Variants in LRRC8C observed in about 807,000 individuals in gnomAD.
LRRC8C encodes volume-regulated anion channel subunit LRRC8C.
LRRC8C carries 20 observed loss-of-function variants against 55.3 expected under a neutral mutation model. The observed-to-expected ratio is 0.36, with a 90% CI of 0.25 to 0.53. LRRC8C has a LOEUF of 0.53. Ranked by LOEUF, LRRC8C falls within the 20% of genes least tolerant of loss-of-function variation. The pLI is 0.92. For synonymous variants in LRRC8C, 376 were observed against 360.7 expected (o/e 1.04, Z -0.48); for missense variants, 659 against 951.4 (o/e 0.69, Z 4.04).
Position 89,714,098 on chromosome 1 carries a change from A to T in LRRC8C, c.1528A>T (p.Met510Leu). The T allele has an allele frequency of 6.2e-7, 1 of 1,614,046 alleles. No homozygotes were observed. Among genetic ancestry groups the T allele is most frequent in the Non-Finnish European group, 8.5e-7 (1 of 1,180,010 alleles). ...FDDMRELPPW[M>L]YGLRNLEELY... Reference sequence around the variant, plus strand: ...TGACATGAGGGAACTCCCCCCCTGGATGTATGGGCTCCGAAATCTGGAAGA... The same window carrying T: ...TGACATGAGGGAACTCCCCCCCTGGTTGTATGGGCTCCGAAATCTGGAAGA... Residue 510 changes from methionine to leucine, a missense_variant, in exon 3 of 3, where the codon ATG (methionine) becomes TTG (leucine). Around this residue, in one of 5 missense-constraint regions of LRRC8C, gnomAD observed 344 missense variants for 464.6 expected, o/e 0.74. Coordinates refer to ENST00000370454, the MANE Select transcript of LRRC8C (RefSeq NM_032270.5). This position sits in a 1 kb window ranked among gnomAD's most constrained non-coding sequence, Gnocchi z 4.6.
At chr1:89,655,037 A>T (rs975045602) in intron 1 of LRRC8C, among the ~76,000 whole-genome samples, 1 of 151,948 alleles carries the variant, frequency 6.6e-6, no homozygotes, top group African/African-American at 2.4e-5. Context: ...ATGAAGTCCC[A>T]TGTCCTACAG....
chr1:89,690,807 C>G (rs1658007945), intron 2 of LRRC8C, among the ~76,000 whole-genome samples: 1 of 152,152 alleles, frequency 6.6e-6, no homozygotes, highest in Non-Finnish European at 1.5e-5. Flanking sequence ...GACCAGCCTT[C>G]TCAGCACCAC....
chr1:89,666,697 A>G (rs1473454348), intron 1 of LRRC8C, among the ~76,000 whole-genome samples: 1 of 152,186 alleles, frequency 6.6e-6, no homozygotes. Flanking sequence ...TTAGTCACAT[A>G]AACATTTCTG....
chr1:89,620,902 C>T, the LRRC8C span, among the ~76,000 whole-genome samples: 1 of 152,192 alleles, frequency 6.6e-6, no homozygotes, highest in Non-Finnish European at 1.5e-5. Context: ...AAGACCATGA[C>T]GACTCCTCAT....
rs1272636700 is a variant in LRRC8C at position 89,717,436 on chromosome 1, C to G, written c.*2454C>G. The stretch of plus-strand genomic sequence containing the variant: ...ACTTGTAAAAATTTGCTCAAAATTC[C>G]AAAAAAATATTGATTTGTTTTTTAG... On this transcript the variant is annotated 3_prime_UTR_variant, in exon 3 of 3. Coordinates refer to ENST00000370454, the MANE Select transcript of LRRC8C (RefSeq NM_032270.5). 3 of 151,896 alleles carry G rather than the reference C, an allele frequency of 2.0e-5. No individual in the cohort carries two copies. The highest frequency in any genetic ancestry group is 2.0e-4 in the Admixed American group (3 of 15,246). 9.4% of individuals were successfully genotyped at this position (151,896 alleles called of 1,614,324 possible).
intron 2 of LRRC8C, among the ~76,000 whole-genome samples, chr1:89,692,448 A>T (rs574831157): frequency 6.6e-6 from 1 of 152,370 alleles, no homozygotes; most frequent in African/African-American, 2.4e-5. Flanking sequence ...GTATTCATAT[A>T]GGTTCAACAC....
upstream of LRRC8C, chr1:89,633,052 G>A (rs1656157297): frequency 6.6e-6 from 1 of 152,062 alleles, no homozygotes; most frequent in African/African-American, 2.4e-5. Context: ...TGCGTGCGGG[G>A]CGGCGCTGGA....
chr1:89,667,038 G>A (rs1354264289), intron 1 of LRRC8C, among the ~76,000 whole-genome samples: 1 of 152,110 alleles, frequency 6.6e-6, no homozygotes, highest in East Asian at 1.9e-4. Context: ...ATTTTCAATA[G>A]GGTAGCCAGA....
the LRRC8C span, among the ~76,000 whole-genome samples, chr1:89,624,076 T>C: frequency 6.6e-6 from 1 of 152,344 alleles, no homozygotes; most frequent in African/African-American, 2.4e-5. Context: ...CACAGGGAGA[T>C]GCAAAGAGAG....
At chr1:89,633,682 T>C (rs1368631180) in intron 1 of LRRC8C, among the ~76,000 whole-genome samples, 1 of 152,076 alleles carries the variant, frequency 6.6e-6, no homozygotes, top group African/African-American at 2.4e-5. Context: ...GGGGCGATCG[T>C]TGTTCTTTCC....
At chr1:89,695,416 A>T (rs547468082) in intron 2 of LRRC8C, among the ~76,000 whole-genome samples, 3 of 152,182 alleles carry the variant, frequency 2.0e-5, no homozygotes, top group African/African-American at 7.2e-5. Context: ...CTGATATCCA[A>T]AGCTGGGGCT....
chr1:89,688,073 C>G (rs185363515), intron 2 of LRRC8C, among the ~76,000 whole-genome samples: 102 of 152,226 alleles, frequency 6.7e-4, no homozygotes, highest in African/African-American at 2.2e-3. Context: ...GAGAGGTTAA[C>G]GATCCTCCCA....
At chr1:89,631,651 ACT>A (rs1298045633), upstream of LRRC8C, 1 of 150,962 alleles carries the variant, frequency 6.6e-6, no homozygotes, top group Non-Finnish European at 1.5e-5. Flanking sequence ...TTTCCCAGAG[ACT>A]CTCTAGGAAT....
chr1:89,679,338 G>A (rs1657637844), intron 1 of LRRC8C, among the ~76,000 whole-genome samples: 1 of 152,160 alleles, frequency 6.6e-6, no homozygotes, highest in Admixed American at 6.5e-5. Context: ...TGGATCACTT[G>A]AGACTAGGAG....
intron 1 of LRRC8C, among the ~76,000 whole-genome samples, chr1:89,653,610 G>A (rs1399426866): frequency 6.6e-6 from 1 of 152,192 alleles, no homozygotes; most frequent in African/African-American, 2.4e-5. Context: ...AATGAGACAT[G>A]CTGGTGCCTT....
At chr1:89,659,658 A>G (rs1189009252) in intron 1 of LRRC8C, among the ~76,000 whole-genome samples, 1 of 152,216 alleles carries the variant, frequency 6.6e-6, no homozygotes, top group African/African-American at 2.4e-5. Context: ...AAAACTGTCA[A>G]TAAAATGGTA....
intron 1 of LRRC8C, among the ~76,000 whole-genome samples, chr1:89,684,235 C>T (rs1437080177): frequency 1.3e-5 from 2 of 152,156 alleles, no homozygotes; most frequent in Non-Finnish European, 2.9e-5. Flanking sequence ...TATATTGGTG[C>T]ATTTTATTTC....
intron 2 of LRRC8C, among the ~76,000 whole-genome samples, chr1:89,693,227 C>T (rs914795806): frequency 4.6e-5 from 7 of 151,948 alleles, no homozygotes; most frequent in Non-Finnish European, 8.8e-5. Context: ...TAGAGCTGAT[C>T]CCCGCTTTGA....
At chr1:89,628,466 T>A (rs1239777889), upstream of LRRC8C, among the ~76,000 whole-genome samples, 1 of 152,226 alleles carries the variant, frequency 6.6e-6, no homozygotes, top group Admixed American at 6.5e-5. Flanking sequence ...CATAGCTCAC[T>A]GTAACCTGTA....
Sources: allele counts gnomAD v4.1 joint callset (sites outside exome capture counted in the v4.1 genomes callset), GRCh38; gene constraint gnomAD v4.1.1; regional missense constraint gnomAD v4.1.1; non-coding constraint Gnocchi (gnomAD v3.1); transcripts MANE v1.5; gene names NCBI Gene and HGNC (gene_info 2026-07-23, HGNC 2026-07-21).